HDGFL2: variants seen among roughly 807,000 people sequenced by gnomAD.
HDGFL2 encodes the protein HDGF like 2.
In HDGFL2, 36 loss-of-function variants were observed where a neutral mutation model predicts 77.1. That is an observed-to-expected ratio of 0.47 (90% CI 0.36 to 0.62). The LOEUF (loss-of-function observed/expected upper bound fraction) is 0.62. HDGFL2 is among the 20% of genes least tolerant of loss of function. The probability of loss-of-function intolerance (pLI) is 0.00; values close to 1 mark genes in which losing one functional copy is unlikely to be tolerated. For synonymous variants in HDGFL2, 463 were observed against 413.1 expected (o/e 1.12, Z -1.46); for missense variants, 976 against 973.4 (o/e 1.00, Z -0.04).
At chr19:4,498,428 C>A in intron 12 of HDGFL2, 52 bp downstream of exon 12, 1 of 1,420,786 alleles carries the variant, frequency 7.0e-7, no homozygotes, top group Non-Finnish European at 9.9e-7. Flanking sequence ...CACCTCCCTG[C>A]CAGGCTCCCT....
intron 3 of HDGFL2, among the ~76,000 whole-genome samples, chr19:4,483,602 G>T (rs1471345374): frequency 6.6e-6 from 1 of 151,998 alleles, no homozygotes; most frequent in Non-Finnish European, 1.5e-5. Context: ...TCACAAACGT[G>T]GGCCTTACTC....
chr19:4,500,710 C>T (rs1054102719), intron 14 of HDGFL2, among the ~76,000 whole-genome samples: 1 of 152,122 alleles, frequency 6.6e-6, no homozygotes, highest in Non-Finnish European at 1.5e-5. Flanking sequence ...ATCCGCCCTC[C>T]TCGGCCTCCC....
intron 1 of HDGFL2, chr19:4,474,970 A>C: frequency 3.2e-6 from 1 of 313,708 alleles, no homozygotes; most frequent in Non-Finnish European, 6.0e-6. Flanking sequence ...GGGAGTCCAT[A>C]GACGCTGAGC....
At position 4,491,854 on chromosome 19, in the gene HDGFL2, T is replaced by C. The variant is rs183758004; in HGVS notation, c.678+19T>C. On this transcript the variant is annotated intron_variant, in intron 6 of 15. Coordinates refer to ENST00000616600, the MANE Select transcript of HDGFL2 (RefSeq NM_001001520.3). ...AAAAAAGGTAGCGTGCACTTGACTT[T>C]GTTTCCCATGCCCACTCGTGGGGCA... 454 of 1,608,974 alleles carry C rather than the reference T, an allele frequency of 2.8e-4. No individual in the cohort carries two copies. Among genetic ancestry groups the C allele is most frequent in the Non-Finnish European group, 3.7e-4 (430 of 1,175,694 alleles).
At chr19:4,491,972 C>T (rs938722677) in intron 6 of HDGFL2, 137 bp downstream of exon 6, 11 of 755,150 alleles carry the variant, frequency 1.5e-5, no homozygotes, top group East Asian at 2.6e-5. Context: ...GGGACCGCCT[C>T]TGCCCTGAGC....
At chr19:4,498,685 G>A in intron 12 of HDGFL2, 129 bp from the exon 13 acceptor site, 1 of 656,332 alleles carries the variant, frequency 1.5e-6, no homozygotes, top group Non-Finnish European at 2.7e-6. Flanking sequence ...GGGGGCTGAG[G>A]GGAGCTGTTC....
chr19:4,498,949 T>G, intron 13 of HDGFL2, 34 bp downstream of exon 13: 1 of 1,474,994 alleles, frequency 6.8e-7, no homozygotes, highest in Non-Finnish European at 9.3e-7. Context: ...CAGGGTGCAG[T>G]CGGGGGAGCT....
Position 4,499,517 on chromosome 19 carries a change from C to T in HDGFL2, c.1602C>T (p.Asp534=), listed in dbSNP as rs758188882. 2.3e-5 allele frequency: 37 copies of T among 1,613,664 alleles called. No individual in the cohort carries two copies. The highest frequency in any genetic ancestry group is 1.5e-4 in the African/African-American group (11 of 74,896). The change falls in exon 14 of 16, where the codon GAC becomes GAT. Residue 534 remains aspartate, a synonymous_variant. Coordinates refer to ENST00000616600, the MANE Select transcript of HDGFL2 (RefSeq NM_001001520.3). The part of the protein sequence containing the change: ...KKIRRYKANK[D]VMEKAAEVYT... The stretch of plus-strand genomic sequence containing the variant: ...TTCGCCGTTACAAAGCGAACAAGGA[C>T]GTAATGGAGAAGGCAGCAGAAGTCT...
chr19:4,498,070 A>G (rs1445669012), intron 11 of HDGFL2, 39 bp downstream of exon 11: 2 of 1,513,174 alleles, frequency 1.3e-6, no homozygotes, highest in South Asian at 1.2e-5. Flanking sequence ...CACTGAGTTC[A>G]CTGAGGGGAA....
chr19:4,484,449 G>A (rs1568207763), intron 3 of HDGFL2, among the ~76,000 whole-genome samples: 2 of 151,602 alleles, frequency 1.3e-5, no homozygotes, highest in African/African-American at 2.4e-5. Flanking sequence ...AGAGTATACC[G>A]TACAGTAGCT....
intron 3 of HDGFL2, among the ~76,000 whole-genome samples, chr19:4,485,593 T>A (rs1219305349): frequency 2.0e-5 from 3 of 151,100 alleles, no homozygotes; most frequent in Non-Finnish European, 4.4e-5. Flanking sequence ...ACAAAAAAAA[T>A]TAGCCAGGCG....
intron 3 of HDGFL2, among the ~76,000 whole-genome samples, chr19:4,478,262 G>T (rs1045937614): frequency 2.0e-5 from 3 of 150,668 alleles, no homozygotes; most frequent in Admixed American, 2.0e-4. Context: ...GAGTGCAGTG[G>T]TGTGGTCTTG....
chr19:4,477,632 G>A (rs1343412413), intron 3 of HDGFL2, among the ~76,000 whole-genome samples: 3 of 152,162 alleles, frequency 2.0e-5, no homozygotes, highest in Non-Finnish European at 4.4e-5. Flanking sequence ...GACACCTACA[G>A]CTTGCTAAGC....
chr19:4,486,203 GT>G (rs1406666242), intron 3 of HDGFL2, among the ~76,000 whole-genome samples: 2 of 152,100 alleles, frequency 1.3e-5, no homozygotes, highest in Non-Finnish European at 2.9e-5. Flanking sequence ...CTTGGTGCCT[GT>G]GCTGGGAGCT....
chr19:4,493,062 TTGTCTGTG>T (rs1975577723), intron 6 of HDGFL2, among the ~76,000 whole-genome samples: 1 of 127,980 alleles, frequency 7.8e-6, no homozygotes, highest in African/African-American at 3.1e-5. Context: ...GGTGTGTGTG[TTGTCTGTG>T]TGTGGTGTGT....
At position 4,493,125 on chromosome 19, in the gene HDGFL2, GGT is replaced by G. The variant is rs1169932620; in HGVS notation, c.679-569_679-568del. On this transcript the variant is annotated intron_variant, in intron 6 of 15. Transcript: ENST00000616600. ...TGTGGTGTGTGTGTTGTCTGTGTGTGGTGTGTGTGTTATCTGTGTCTGTGTGG... is the reference window on the plus strand; with the variant it reads ...TGTGGTGTGTGTGTTGTCTGTGTGTGGTGTGTGTTATCTGTGTCTGTGTGG... Among the ~76,000 whole-genome samples the G allele has an allele frequency of 1.6e-4, 22 of 139,130 alleles. 1 individual carries two copies. Among genetic ancestry groups the G allele is most frequent in the African/African-American group, 4.8e-4 (18 of 37,368 alleles). The allele number at this position is 139,130 out of a possible 152,430, so 91.3% of individuals were successfully genotyped here.
In HDGFL2 at chr19:4,472,340, T is replaced by A; in HGVS notation, c.-11T>A. ...AGCCGCTTTCCGCGGCCTGGGCCTC[T>A]CGCCGTCAGCATGCCACACGCCTTC... On this transcript the variant is annotated 5_prime_UTR_variant, in exon 1 of 16. Transcript: ENST00000616600. The A allele has an allele frequency of 6.6e-7, 1 of 1,512,714 alleles. No homozygotes were observed. Among genetic ancestry groups the A allele is most frequent in the African/African-American group, 1.4e-5 (1 of 69,432 alleles). 93.7% of individuals were successfully genotyped at this position (1,512,714 alleles called of 1,614,324 possible).
At chr19:4,486,431 A>T (rs574665105) in intron 3 of HDGFL2, 1 of 151,756 alleles carries the variant, frequency 6.6e-6, no homozygotes, top group Non-Finnish European at 1.5e-5. Flanking sequence ...GGGCTGAGGC[A>T]GGAGAATTGC....
chr19:4,499,406 G>C (rs911656927), intron 13 of HDGFL2, 85 bp from the exon 14 acceptor site: 2 of 1,219,070 alleles, frequency 1.6e-6, no homozygotes, highest in Non-Finnish European at 2.3e-6. Flanking sequence ...GCTGCGGGAG[G>C]GGCGCATTGC....
Sources: gnomAD v4.1 joint callset for allele counts (sites outside exome capture counted in the v4.1 genomes callset) on GRCh38, gnomAD v4.1.1 for gene constraint, MANE v1.5 for transcripts, NCBI Gene and HGNC (gene_info 2026-07-23, HGNC 2026-07-21) for gene names.